Variants in KCNH7 observed in about 807,000 individuals in gnomAD.
The protein encoded by KCNH7 is potassium voltage-gated channel subfamily H member 7.
Under a neutral mutation model 120.8 loss-of-function variants are expected in KCNH7, and 49 were observed. The observed-to-expected ratio is 0.41, with a 90% CI of 0.32 to 0.51. The LOEUF (loss-of-function observed/expected upper bound fraction) is 0.51, where lower values mean the gene tolerates loss of function less well. Among genes scored for constraint, KCNH7 ranks in the 20% least tolerant of loss-of-function variants. The pLI, the probability that KCNH7 is intolerant of heterozygous loss-of-function variation, is 0.38. For synonymous variants in KCNH7, 547 were observed against 516.1 expected, an observed-to-expected ratio of 1.06 and a Z score of -0.81; for missense variants, 1,097 against 1,446.6, an observed-to-expected ratio of 0.76 and a Z score of 3.92.
chr2:162,710,170 C>G (rs909986300), intron 2 of KCNH7, among the ~76,000 whole-genome samples: 10 of 152,140 alleles, frequency 6.6e-5, no homozygotes, highest in African/African-American at 2.4e-4. Context: ...CCAAAATTAT[C>G]TCCAAGACTC....
chr2:162,483,367 G>T (rs1236518835), intron 6 of KCNH7, among the ~76,000 whole-genome samples: 11 of 152,048 alleles, frequency 7.2e-5, no homozygotes. Flanking sequence ...CCATCCACGG[G>T]ACATGTATTT....
chr2:162,500,298 A>ATTATATATACACACATAATATGTATG (rs1690637812), intron 6 of KCNH7, among the ~76,000 whole-genome samples: 3 of 147,986 alleles, frequency 2.0e-5, no homozygotes, highest in African/African-American at 7.4e-5. Flanking sequence ...TAACATGTAT[A>ATTATATATACACACATAATATGTATG]TTATATATAC....
rs1018034501 is a variant in KCNH7 at position 162,423,655 on chromosome 2, C to T, written c.1955-120G>A. Reference sequence around the variant, plus strand: ...ATCTAGTGGGGATTTACCATTGGATCACGGGGAAAAAAAGAAGTTAAACTA... The same window carrying T: ...ATCTAGTGGGGATTTACCATTGGATTACGGGGAAAAAAAGAAGTTAAACTA... On this transcript the variant is annotated intron_variant, in intron 8 of 15. Coordinates refer to ENST00000332142, the MANE Select transcript of KCNH7 (RefSeq NM_033272.4). 3.5e-6 allele frequency: 3 copies of T among 865,492 alleles called. No individual in the cohort carries two copies. In the African/African-American group the frequency reaches 5.1e-5, roughly 15 times the overall value. 53.6% of individuals were successfully genotyped at this position (865,492 alleles called of 1,614,324 possible).
intron 6 of KCNH7, among the ~76,000 whole-genome samples, chr2:162,466,935 T>C (rs1689330041): frequency 6.6e-6 from 1 of 152,182 alleles, no homozygotes; most frequent in Non-Finnish European, 1.5e-5. Flanking sequence ...GAGGCATCAA[T>C]GTAGTCAACC....
chr2:162,784,576 T>G (rs1027082462), intron 2 of KCNH7: 1 of 152,172 alleles, frequency 6.6e-6, no homozygotes, highest in African/African-American at 2.4e-5. Flanking sequence ...AATTTTCTTT[T>G]TTTTCCCTAA....
chr2:162,548,208 T>C (rs761417069), intron 2 of KCNH7, among the ~76,000 whole-genome samples: 2 of 152,180 alleles, frequency 1.3e-5, no homozygotes, highest in Non-Finnish European at 2.9e-5. Flanking sequence ...ATGTTTAGCA[T>C]TGTCCAGCTT....
intron 6 of KCNH7, among the ~76,000 whole-genome samples, chr2:162,478,464 A>G (rs527447641): frequency 5.3e-5 from 8 of 152,280 alleles, no homozygotes; most frequent in Non-Finnish European, 1.0e-4. Flanking sequence ...TGTAATAAGA[A>G]CAATTTTAAT....
chr2:162,645,853 T>C (rs1684339845), intron 2 of KCNH7, among the ~76,000 whole-genome samples: 1 of 151,992 alleles, frequency 6.6e-6, no homozygotes, highest in African/African-American at 2.4e-5. Context: ...CCTGGGAAAG[T>C]TTTTACATTG....
chr2:162,417,040 A>G (rs1250283487), intron 9 of KCNH7, among the ~76,000 whole-genome samples: 1 of 152,202 alleles, frequency 6.6e-6, no homozygotes, highest in East Asian at 1.9e-4. Flanking sequence ...GCTAAGATGA[A>G]CTACATCTGA....
chr2:162,390,988 G>A (rs6725298), intron 12 of KCNH7, among the ~76,000 whole-genome samples: 9,461 of 151,994 alleles, frequency 0.062, 933 homozygotes, highest in African/African-American at 0.21. Flanking sequence ...AGTGGCAGGC[G>A]GCAGGTGTGG....
At chr2:162,590,663 A>T (rs987919661) in intron 2 of KCNH7, among the ~76,000 whole-genome samples, 1 of 152,116 alleles carries the variant, frequency 6.6e-6, no homozygotes, top group East Asian at 1.9e-4. Context: ...GGTCCAATCT[A>T]TCAGCAGGAA....
At chr2:162,384,123 G>A (rs1423285200) in intron 13 of KCNH7, among the ~76,000 whole-genome samples, 3 of 151,604 alleles carry the variant, frequency 2.0e-5, no homozygotes, top group South Asian at 2.1e-4. Context: ...TACCCAACTC[G>A]TGCACATTTT....
chr2:162,782,067 T>C (rs1683515486), intron 2 of KCNH7, among the ~76,000 whole-genome samples: 1 of 152,236 alleles, frequency 6.6e-6, no homozygotes, highest in Non-Finnish European at 1.5e-5. Flanking sequence ...ATAATTCTTA[T>C]AAATAGATCA....
At chr2:162,794,565 G>A (rs983144688) in intron 2 of KCNH7, among the ~76,000 whole-genome samples, 6 of 151,934 alleles carry the variant, frequency 3.9e-5, no homozygotes, top group African/African-American at 1.4e-4. Context: ...AACAATCACT[G>A]TCCTTTTAAT....
At chr2:162,517,017 C>T (rs899609341) in intron 4 of KCNH7, among the ~76,000 whole-genome samples, 1 of 151,690 alleles carries the variant, frequency 6.6e-6, no homozygotes, top group Non-Finnish European at 1.5e-5. Context: ...TTGCCTCAGA[C>T]ACAGTAAGTA....
chr2:162,394,341 T>C, intron 12 of KCNH7, 48 bp downstream of exon 12: 1 of 1,049,786 alleles, frequency 9.5e-7, no homozygotes, highest in South Asian at 1.3e-5. Context: ...GTAAGAAGGC[T>C]AATTACCACA....
chr2:162,396,496 G>A (rs1009701625), intron 11 of KCNH7, among the ~76,000 whole-genome samples: 4 of 151,654 alleles, frequency 2.6e-5, no homozygotes, highest in Non-Finnish European at 1.5e-5. Context: ...GGCACCTAAG[G>A]GCTTCTACAA....
At chr2:162,730,159 T>C (rs947123498) in intron 2 of KCNH7, among the ~76,000 whole-genome samples, 2 of 149,316 alleles carry the variant, frequency 1.3e-5, no homozygotes, top group African/African-American at 4.9e-5. Flanking sequence ...TGAAAAAAGA[T>C]GAAAAATATG....
intron 2 of KCNH7, among the ~76,000 whole-genome samples, chr2:162,751,084 G>T (rs539032273): frequency 2.9e-5 from 4 of 138,376 alleles, no homozygotes; most frequent in African/African-American, 1.2e-4. Flanking sequence ...CATGGTCACA[G>T]CATAGGAGTC....
Sources: allele counts gnomAD v4.1 joint callset (sites outside exome capture counted in the v4.1 genomes callset), GRCh38; gene constraint gnomAD v4.1.1; transcripts MANE v1.5; gene names NCBI Gene and HGNC (gene_info 2026-07-23, HGNC 2026-07-21).